Variants in DCAF17 observed in about 807,000 individuals in gnomAD.
DCAF17 encodes the protein DDB1 and CUL4 associated factor 17, also known as DDB1- and CUL4-associated factor 17.
In DCAF17, 48 loss-of-function variants were observed where a neutral mutation model predicts 66.0. That is an observed-to-expected ratio of 0.73 (90% CI 0.58 to 0.92). The LOEUF (loss-of-function observed/expected upper bound fraction) is 0.92. Among genes scored for constraint, DCAF17 ranks in the 40% least tolerant of loss-of-function variants. DCAF17 has a pLI of 0.00. For synonymous variants in DCAF17, 206 were observed against 214.6 expected (o/e 0.96, Z 0.35); for missense variants, 562 against 622.8 (o/e 0.90, Z 1.04).
At position 171,482,441 on chromosome 2, in the gene DCAF17, T is replaced by A. The variant is rs748910614; in HGVS notation, c.*1327T>A. 2 of 454,052 alleles carry A rather than the reference T, an allele frequency of 4.4e-6. No homozygotes were observed. The highest frequency in any genetic ancestry group is 3.1e-5 in the South Asian group (2 of 64,480). The allele number at this position is 454,052 out of a possible 1,614,324, so 28.1% of individuals were successfully genotyped here. ...CCAGTTCTGCCCTGGTGCTAGACAT[T>A]GCCCCATACTTTCAATTAGACACTA... On this transcript the variant is annotated 3_prime_UTR_variant, in exon 14 of 14. Coordinates refer to ENST00000375255, the MANE Select transcript of DCAF17 (RefSeq NM_025000.4).
At chr2:171,443,361 G>T in intron 2 of DCAF17, 162 bp from the exon 3 acceptor site, 1 of 562,722 alleles carries the variant, frequency 1.8e-6, no homozygotes, top group Non-Finnish European at 3.1e-6. Context: ...TTTTTTATAT[G>T]AATTATGTGA....
intron 3 of DCAF17, among the ~76,000 whole-genome samples, chr2:171,445,363 G>A (rs1694557567): frequency 6.6e-6 from 1 of 152,106 alleles, no homozygotes; most frequent in Non-Finnish European, 1.5e-5. Context: ...GACCTCAAGT[G>A]ATCCACCCTC....
At chr2:171,475,802 A>G (rs548783917) in intron 10 of DCAF17, among the ~76,000 whole-genome samples, 3 of 152,280 alleles carry the variant, frequency 2.0e-5, no homozygotes, top group African/African-American at 7.2e-5. Flanking sequence ...GTCTGCCTTT[A>G]TTTTTTATGC....
In DCAF17 at chr2:171,482,402, G is replaced by A. The variant is rs1172847231; in HGVS notation, c.*1288G>A. 1 of 453,756 alleles carries A rather than the reference G, an allele frequency of 2.2e-6. No homozygotes were observed. 28.1% of individuals were successfully genotyped at this position (453,756 alleles called of 1,614,324 possible). ...TTTGGCTTGATGCCATGTTAAGAAT[G>A]ATGTGAATTCTTCCCAGTTCTGCCC... On this transcript the variant is annotated 3_prime_UTR_variant, in exon 14 of 14. Coordinates refer to ENST00000375255, the MANE Select transcript of DCAF17 (RefSeq NM_025000.4).
At chr2:171,479,360 G>C (rs1574407305) in intron 12 of DCAF17, among the ~76,000 whole-genome samples, 3 of 152,252 alleles carry the variant, frequency 2.0e-5, no homozygotes, top group African/African-American at 7.2e-5. Context: ...TGCTTTCCGT[G>C]CAAGGTTTCT....
At chr2:171,453,445 A>T (rs1298406226) in intron 6 of DCAF17, among the ~76,000 whole-genome samples, 1 of 152,210 alleles carries the variant, frequency 6.6e-6, no homozygotes, top group African/African-American at 2.4e-5. Flanking sequence ...TGTGGTCATT[A>T]ACAAACTACT....
chr2:171,450,603 T>C (rs1457687836), intron 5 of DCAF17, among the ~76,000 whole-genome samples: 1 of 152,166 alleles, frequency 6.6e-6, no homozygotes. Flanking sequence ...AAAATAGATA[T>C]AGACTGCTTT....
intron 8 of DCAF17, among the ~76,000 whole-genome samples, chr2:171,466,963 A>G (rs906647719): frequency 2.0e-5 from 3 of 151,176 alleles, no homozygotes; most frequent in Non-Finnish European, 4.4e-5. Flanking sequence ...CCCTTTTTCT[A>G]TTGGGGTGTT....
chr2:171,448,519 C>T (rs971860428), intron 3 of DCAF17, among the ~76,000 whole-genome samples, 162 bp from the exon 4 acceptor site: 2 of 152,178 alleles, frequency 1.3e-5, no homozygotes, highest in Admixed American at 1.3e-4. Context: ...TACCCACAAT[C>T]TTATCTTTCC....
chr2:171,469,250 A>G (rs1324132019), intron 9 of DCAF17, among the ~76,000 whole-genome samples: 1 of 152,234 alleles, frequency 6.6e-6, no homozygotes, highest in Non-Finnish European at 1.5e-5. Flanking sequence ...TTATAGCAAC[A>G]AGAATTTTAT....
At chr2:171,436,392 G>C (rs1693953368) in intron 2 of DCAF17, among the ~76,000 whole-genome samples, 1 of 152,202 alleles carries the variant, frequency 6.6e-6, no homozygotes. Context: ...ATAGTTAGAA[G>C]AACTGCCATA....
At chr2:171,475,190 A>C (rs1028353130) in intron 10 of DCAF17, among the ~76,000 whole-genome samples, 11 of 152,266 alleles carry the variant, frequency 7.2e-5, no homozygotes, top group African/African-American at 2.4e-4. Flanking sequence ...ATTTCTATTC[A>C]TATTTTATGG....
rs1696575563 is a variant in DCAF17, at chr2:171,478,007, T to G, written c.1203T>G (p.Val401=). The change falls in exon 12 of 14, where the codon GTT becomes GTG. Residue 401 remains valine, a synonymous_variant. Coordinates refer to ENST00000375255, the MANE Select transcript of DCAF17 (RefSeq NM_025000.4). ...GATAGAATGAAAATGTACTCACTGT[T>G]ACAGCTTCTGGACGGGTGGTAAAAA... ...ENHKNENVLT[V]TASGRVVKKS... 1 of 1,613,766 alleles carries G rather than the reference T, an allele frequency of 6.2e-7. No individual in the cohort carries two copies. The highest frequency in any genetic ancestry group is 8.5e-7 in the Non-Finnish European group (1 of 1,179,796).
chr2:171,437,242 C>T (rs907013946), intron 2 of DCAF17, among the ~76,000 whole-genome samples: 5 of 152,068 alleles, frequency 3.3e-5, no homozygotes. Context: ...GTGGTTGATC[C>T]ACTTTGAGTT....
At chr2:171,472,138 A>G (rs1291092774) in intron 9 of DCAF17, among the ~76,000 whole-genome samples, 14 of 152,096 alleles carry the variant, frequency 9.2e-5, no homozygotes, top group Non-Finnish European at 2.1e-4. Context: ...ACTCATGTTT[A>G]TATGCATACT....
chr2:171,478,786 G>C (rs1696615215), intron 12 of DCAF17, among the ~76,000 whole-genome samples: 1 of 152,078 alleles, frequency 6.6e-6, no homozygotes, highest in Non-Finnish European at 1.5e-5. Flanking sequence ...CCAGTATGTA[G>C]CTGTTCTCAA....
chr2:171,478,000 T>C lies in DCAF17; in HGVS notation c.1196T>C (p.Leu399Pro). ...TCCATATGATAGAATGAAAATGTAC[T>C]CACTGTTACAGCTTCTGGACGGGTG... is the stretch of plus-strand genomic sequence containing the variant. ...NRENHKNENV[L>P]TVTASGRVVK... The change falls in exon 12 of 14, where the codon CTC (leucine) becomes CCC (proline). Residue 399 changes from leucine (L) to proline (P), a missense_variant. Coordinates refer to ENST00000375255, the MANE Select transcript of DCAF17 (RefSeq NM_025000.4). 1 of 1,613,476 alleles carries C rather than the reference T, an allele frequency of 6.2e-7. No homozygotes were observed. Among genetic ancestry groups the C allele is most frequent in the East Asian group, 2.2e-5 (1 of 44,882 alleles).
chr2:171,484,063 T>C lies in DCAF17; in HGVS notation c.*2949T>C, dbSNP rs1559299763. 4.4e-6 allele frequency: 2 copies of C among 453,914 alleles called. No individual in the cohort carries two copies. The highest frequency in any genetic ancestry group is 2.4e-5 in the Admixed American group (1 of 42,534). 28.1% of individuals were successfully genotyped at this position (453,914 alleles called of 1,614,324 possible). A position where few individuals can be genotyped will look rare whatever the true frequency, so the allele number is the denominator to read the frequency against. The stretch of plus-strand genomic sequence containing the variant: ...GGGTAAGATACAAGTCACACATAAA[T>C]TGACAGAAAATGTAGTTCTTCATTC... On this transcript the variant is annotated 3_prime_UTR_variant, in exon 14 of 14. Coordinates refer to ENST00000375255, the MANE Select transcript of DCAF17 (RefSeq NM_025000.4).
At chr2:171,474,016 T>C (rs778321442) in intron 10 of DCAF17, 41 bp downstream of exon 10, 3 of 1,523,280 alleles carry the variant, frequency 2.0e-6, no homozygotes, top group Non-Finnish European at 2.7e-6. Context: ...AGAGCAGCTT[T>C]TGGTAGCATT....
Sources: gnomAD v4.1 joint callset for allele counts (sites outside exome capture counted in the v4.1 genomes callset) on GRCh38, gnomAD v4.1.1 for gene constraint, MANE v1.5 for transcripts, NCBI Gene and HGNC (gene_info 2026-07-23, HGNC 2026-07-21) for gene names.